The following GNAO1 variants were observed in gnomAD, a reference collection of about 807,000 sequenced individuals.
GNAO1 encodes G protein subunit alpha o1.
For missense variants in GNAO1, 166 were observed against 478.7 expected (o/e 0.35, Z 6.10); for synonymous variants, 164 against 180.7 (o/e 0.91, Z 0.74).
In GNAO1 at chr16:56,334,757, G is replaced by C. The variant is rs1159636167; in HGVS notation, c.493G>C (p.Ala165Pro). ...CCTGGACAGCCTGGATCGGATTGGG[G>C]CCGCCGACTACCAGCCCACCGAGCA... ...YYLDSLDRIG[A>P]ADYQPTEQDI... is the part of the protein sequence containing the mutation. The change falls in exon 5 of 9, where the codon GCC (alanine) becomes CCC (proline). Residue 165 changes from alanine (A) to proline (P), a missense_variant. Physicochemically the swap from Ala to Pro is conservative, Grantham distance 27. Transcript: ENST00000262493. 6.2e-7 allele frequency: 1 copy of C among 1,613,972 alleles called. No homozygotes were observed. The highest frequency in any genetic ancestry group is 2.2e-5 in the East Asian group (1 of 44,874).
At chr16:56,228,448 T>C (rs189721580) in intron 2 of GNAO1, among the ~76,000 whole-genome samples, 2,650 of 151,156 alleles carry the variant, frequency 0.018, 48 homozygotes, top group South Asian at 0.053. Context: ...TATATATATA[T>C]ACATATATAT....
At chr16:56,296,102 TA>T (rs1248592739) in intron 3 of GNAO1, among the ~76,000 whole-genome samples, 1 of 152,230 alleles carries the variant, frequency 6.6e-6, no homozygotes, top group African/African-American at 2.4e-5. Context: ...TCCTGAGCTT[TA>T]CAAGGGAGAC....
intron 3 of GNAO1, among the ~76,000 whole-genome samples, chr16:56,295,775 A>G (rs1046115640): frequency 6.6e-5 from 10 of 152,222 alleles, no homozygotes; most frequent in South Asian, 4.2e-4. Flanking sequence ...CTTCCTCCCA[A>G]TATTCCACCC....
chr16:56,287,694 G>A (rs1221961527), intron 3 of GNAO1, among the ~76,000 whole-genome samples: 2 of 152,172 alleles, frequency 1.3e-5, no homozygotes, highest in Non-Finnish European at 2.9e-5. Context: ...AAGAGGTGGT[G>A]TCATCCCCTC....
rs59437828 is a variant in GNAO1 at position 56,355,125 on chromosome 16, T to TACACACAC, written c.*28+67_*28+74dup. ...ACAGAACAGCTTGCGTGCGCGCGCATACACACACACACACACACACACACA... is the reference window on the plus strand; with the variant it reads ...ACAGAACAGCTTGCGTGCGCGCGCATACACACACACACACACACACACACACACACACA... On this transcript the variant is annotated intron_variant, in intron 8 of 8. Coordinates refer to ENST00000262493, the MANE Select transcript of GNAO1 (RefSeq NM_020988.3). 4,429 of 555,530 alleles carry TACACACAC rather than the reference T, an allele frequency of 8.0e-3. 53 individuals are homozygous for TACACACAC. Among genetic ancestry groups the TACACACAC allele is most frequent in the African/African-American group, 0.04 (1,961 of 48,528 alleles). 34.4% of individuals were successfully genotyped at this position (555,530 alleles called of 1,614,324 possible). A position where few individuals can be genotyped will look rare whatever the true frequency, so the allele number is the denominator to read the frequency against.
At chr16:56,194,121 A>T (rs932498966) in intron 2 of GNAO1, 1 of 456,350 alleles carries the variant, frequency 2.2e-6, no homozygotes, top group African/African-American at 2.0e-5. Flanking sequence ...CTCGGAGACA[A>T]TTTTCCCATC....
chr16:56,336,398 C>T (rs1419557113), intron 5 of GNAO1: 1 of 236,256 alleles, frequency 4.2e-6, no homozygotes, highest in Non-Finnish European at 8.3e-6. Flanking sequence ...AGAGGAGGGT[C>T]CTCATGCGAG....
Position 56,225,536 on chromosome 16 carries a change from T to A in GNAO1, c.161+32920T>A, listed in dbSNP as rs150051029. On this transcript the variant is annotated intron_variant, in intron 2 of 8. Transcript: ENST00000262493. ...CTAGTTAAATATGAGCTTAGTTCAG[T>A]TGCCAAGTCAACATCTGTGTGTGTG... Among the ~76,000 whole-genome samples the A allele has an allele frequency of 3.2e-4, 49 of 152,326 alleles. No individual in the cohort carries two copies. In the East Asian group the frequency reaches 8.3e-3, roughly 26 times the overall value.
At chr16:56,240,362 G>A (rs1295588912) in intron 2 of GNAO1, among the ~76,000 whole-genome samples, 5 of 152,162 alleles carry the variant, frequency 3.3e-5, no homozygotes, top group African/African-American at 9.7e-5. Context: ...TTGGGCACCC[G>A]TGCTGGTGCC....
chr16:56,240,803 C>T (rs1475895559), intron 2 of GNAO1, among the ~76,000 whole-genome samples: 2 of 152,080 alleles, frequency 1.3e-5, no homozygotes, highest in East Asian at 1.9e-4. Context: ...TGTTTATCCT[C>T]GTGCACAGTC....
chr16:56,312,674 A>G (rs1326683522), intron 3 of GNAO1, among the ~76,000 whole-genome samples: 1 of 152,218 alleles, frequency 6.6e-6, no homozygotes, highest in Non-Finnish European at 1.5e-5. Context: ...ATTCTCACCC[A>G]TGAGAAGGTC....
intron 6 of GNAO1, among the ~76,000 whole-genome samples, chr16:56,339,540 C>T (rs1015876624): frequency 6.6e-6 from 1 of 152,244 alleles, no homozygotes; most frequent in African/African-American, 2.4e-5. Context: ...GTGCATCCCT[C>T]TCTGGCCTGG....
chr16:56,253,229 C>G (rs560692151), intron 2 of GNAO1, among the ~76,000 whole-genome samples: 4 of 152,156 alleles, frequency 2.6e-5, no homozygotes, highest in Non-Finnish European at 4.4e-5. Flanking sequence ...TCACCCTCCT[C>G]GTTCCTCCAT....
chr16:56,328,886 C>T (rs1289229847), intron 4 of GNAO1, 95 bp downstream of exon 4: 3 of 1,300,398 alleles, frequency 2.3e-6, no homozygotes, highest in African/African-American at 1.4e-5. Flanking sequence ...GGAGGATTCT[C>T]GGCTGAGGTC....
intron 3 of GNAO1, among the ~76,000 whole-genome samples, chr16:56,312,348 C>T (rs2037468514): frequency 6.6e-6 from 1 of 152,234 alleles, no homozygotes; most frequent in African/African-American, 2.4e-5. Flanking sequence ...TGGAGTAAGC[C>T]TCCTGGTAAG....
chr16:56,218,704 C>T (rs1202263455), intron 2 of GNAO1, among the ~76,000 whole-genome samples: 6 of 152,152 alleles, frequency 3.9e-5, no homozygotes, highest in South Asian at 2.1e-4. Context: ...GTCTTCCATC[C>T]GTGTTTGTAA....
At chr16:56,340,485 T>G in intron 6 of GNAO1, 1 of 231,026 alleles carries the variant, frequency 4.3e-6, no homozygotes, top group Non-Finnish European at 8.5e-6. Context: ...CGGTGGTGGT[T>G]GCGGCCCCTG....
intron 6 of GNAO1, chr16:56,345,372 T>G (rs1366648451): frequency 4.2e-5 from 41 of 985,396 alleles, no homozygotes; most frequent in Non-Finnish European, 4.9e-5. Flanking sequence ...CTGCCCCCAC[T>G]CTGGACACTG....
chr16:56,241,148 A>G (rs1018917299), intron 2 of GNAO1, among the ~76,000 whole-genome samples: 2 of 152,240 alleles, frequency 1.3e-5, no homozygotes, highest in South Asian at 2.1e-4. Flanking sequence ...CAGGCCTTAC[A>G]GCGCTCTGAC....
Sources: allele counts gnomAD v4.1 joint callset (sites outside exome capture counted in the v4.1 genomes callset), GRCh38; gene constraint gnomAD v4.1.1; transcripts MANE v1.5; gene names NCBI Gene and HGNC (gene_info 2026-07-23, HGNC 2026-07-21).